PRKN: variants seen among roughly 807,000 people sequenced by gnomAD.
PRKN encodes E3 ubiquitin-protein ligase parkin.
In PRKN, 56 loss-of-function variants were observed where a neutral mutation model predicts 59.5. The ratio of observed to expected loss-of-function variants is 0.94; its 90% CI spans 0.76 to 1.18. The LOEUF (loss-of-function observed/expected upper bound fraction) is 1.18, where lower values mean the gene tolerates loss of function less well. Ranked by LOEUF, PRKN falls within the 50% of genes most tolerant of loss-of-function variation. PRKN has a pLI of 0.00. For synonymous variants in PRKN, 250 were observed against 222.1 expected (o/e 1.13, Z -1.12); for missense variants, 657 against 596.4 (o/e 1.10, Z -1.06).
intron 5 of PRKN, among the ~76,000 whole-genome samples, chr6:162,015,026 ATGAAATTTAAAACATATTATCT>A (rs1337212441): frequency 5.3e-5 from 8 of 152,184 alleles, no homozygotes; most frequent in Admixed American, 5.2e-4. Flanking sequence ...TGTAGAAAAC[ATGAAATTTAAAACATATTATCT>A]TGAGTAAACT....
At chr6:162,136,572 C>A (rs1781570287) in intron 4 of PRKN, among the ~76,000 whole-genome samples, 1 of 152,158 alleles carries the variant, frequency 6.6e-6, no homozygotes, top group African/African-American at 2.4e-5. Context: ...ATTTCCTAGG[C>A]ATAAGTTGCC....
At position 161,902,552 on chromosome 6, in the gene PRKN, A is replaced by ATCTATTTTTTTTT. The variant is rs1343265664; in HGVS notation, c.734+70749_734+70750insAAAAAAAAATAGA. Among the ~76,000 whole-genome samples, 6 of 121,086 alleles carry ATCTATTTTTTTTT rather than the reference A, an allele frequency of 5.0e-5. 1 individual carries two copies. The highest frequency in any genetic ancestry group is 2.5e-4 in the East Asian group (1 of 3,938). 79.4% of individuals were successfully genotyped at this position (121,086 alleles called of 152,430 possible). A position where few individuals can be genotyped will look rare whatever the true frequency, so the allele number is the denominator to read the frequency against. Reference sequence around the variant, plus strand: ...TATCTATCTATCTATCTATCTATTTATTTATTTATTTATTTTTTTTTTTTT... The same window carrying ATCTATTTTTTTTT: ...TATCTATCTATCTATCTATCTATTTATCTATTTTTTTTTTTTATTTATTTATTTTTTTTTTTTT... On this transcript the variant is annotated intron_variant, in intron 6 of 11. Transcript: ENST00000366898.
intron 1 of PRKN, among the ~76,000 whole-genome samples, chr6:162,491,080 G>A (rs1285375916): frequency 6.6e-6 from 1 of 150,440 alleles, no homozygotes; most frequent in Non-Finnish European, 1.5e-5. Context: ...TCCAGCCTGG[G>A]TGACAAGAGT....
intron 3 of PRKN, among the ~76,000 whole-genome samples, chr6:162,234,080 T>A (rs547454265): frequency 1.2e-4 from 18 of 152,246 alleles, no homozygotes; most frequent in African/African-American, 4.1e-4. Context: ...AAGAAAAAGA[T>A]GCAGCTCAGA....
rs980329748 is a variant in PRKN at position 162,620,355 on chromosome 6, AT to A, written c.7+107306del. Among the ~76,000 whole-genome samples the A allele has an allele frequency of 4.8e-3, 729 of 151,896 alleles. 5 individuals carry two copies. Among genetic ancestry groups the A allele is most frequent in the African/African-American group, 0.017 (695 of 41,446 alleles). On this transcript the variant is annotated intron_variant, in intron 1 of 11. Transcript: ENST00000366898. ...CCTTCTGGTTATTGTTAATTACATTATTTTTTTTCTAACATCAAGAGAATAA... is the reference window on the plus strand; with the variant it reads ...CCTTCTGGTTATTGTTAATTACATTATTTTTTTCTAACATCAAGAGAATAA...
At chr6:162,467,975 G>A (rs563520038) in intron 1 of PRKN, among the ~76,000 whole-genome samples, 21 of 152,248 alleles carry the variant, frequency 1.4e-4, no homozygotes, top group South Asian at 6.2e-4. Flanking sequence ...TATCTCAAAT[G>A]CCAGCTGCAC....
rs1043383672 is a variant in PRKN, at chr6:161,530,360, A to G, written c.1083+18494T>C. On this transcript the variant is annotated intron_variant, in intron 9 of 11. Transcript: ENST00000366898. The surrounding 1 kb of genome is among the most constrained non-coding windows in gnomAD (Gnocchi z 5.0). ...AATGCACCTTCTCCTGTGACATTGC[A>G]TATCATCTTCCATATCAGGTACCCT... 6.6e-6 allele frequency among the ~76,000 whole-genome samples: 1 copy of G among 152,166 alleles called. No individual in the cohort carries two copies. The highest frequency in any genetic ancestry group is 2.4e-5 in the African/African-American group (1 of 41,442).
In PRKN at chr6:161,386,732, C is replaced by T. The variant is rs562644112; in HGVS notation, c.1167+62G>A. 99 of 1,271,766 alleles carry T rather than the reference C, an allele frequency of 7.8e-5. No individual in the cohort carries two copies. Among genetic ancestry groups the T allele is most frequent in the Admixed American group, 5.2e-4 (31 of 59,606 alleles). The allele number at this position is 1,271,766 out of a possible 1,614,324, so 78.8% of individuals were successfully genotyped here. ...GGAACTCTCCATGACCTCCAGGAAA[C>T]GGCTCCAGTCCCCCACTGTATCCGG... On this transcript the variant is annotated intron_variant, in intron 10 of 11. Coordinates refer to ENST00000366898, the MANE Select transcript of PRKN (RefSeq NM_004562.3). The surrounding 1 kb of genome is among the most constrained non-coding windows in gnomAD (Gnocchi z 4.3).
intron 1 of PRKN, among the ~76,000 whole-genome samples, chr6:162,469,058 T>C (rs952783114): frequency 6.6e-6 from 1 of 152,084 alleles, no homozygotes; most frequent in Non-Finnish European, 1.5e-5. Context: ...ATGTATCCAC[T>C]CATAAACATT....
At chr6:161,874,156 TTATA>T (rs1239184289) in intron 6 of PRKN, among the ~76,000 whole-genome samples, 1 of 18,628 alleles carries the variant, frequency 5.4e-5, no homozygotes, top group East Asian at 1.5e-3. Flanking sequence ...ATAATATATA[TTATA>T]TATAATATAT....
intron 6 of PRKN, among the ~76,000 whole-genome samples, chr6:161,935,062 T>C (rs929245967): frequency 3.9e-5 from 6 of 152,164 alleles, no homozygotes; most frequent in Admixed American, 2.0e-4. Flanking sequence ...CTTATTACTA[T>C]AAACATTTCA....
At chr6:162,430,158 T>TGACGACGACGACGATGAC (rs1789441477) in intron 2 of PRKN, among the ~76,000 whole-genome samples, 2 of 144,068 alleles carry the variant, frequency 1.4e-5, no homozygotes, top group South Asian at 4.4e-4. Context: ...ATGATGACGA[T>TGACGACGACGACGATGAC]GACGACGACG....
rs993812101 is a variant in PRKN, at chr6:161,593,031, A to C, written c.872-23615T>G. Among the ~76,000 whole-genome samples, 1 of 152,192 alleles carries C rather than the reference A, an allele frequency of 6.6e-6. No individual in the cohort carries two copies. Among genetic ancestry groups the C allele is most frequent in the Admixed American group, 6.5e-5 (1 of 15,284 alleles). ...ATGTGAGATTTACAGAAGAGTTGTA[A>C]CGACTGCACAGAGCGTCCTCAGATG... is the stretch of plus-strand genomic sequence containing the variant. On this transcript the variant is annotated intron_variant, in intron 7 of 11. Transcript: ENST00000366898. This position sits in a 1 kb window ranked among gnomAD's most constrained non-coding sequence, Gnocchi z 4.8.
chr6:161,805,639 G>C (rs950024818), intron 6 of PRKN, among the ~76,000 whole-genome samples: 8 of 152,110 alleles, frequency 5.3e-5, no homozygotes, highest in Non-Finnish European at 8.8e-5. Context: ...GCTCCTCTGT[G>C]TGCATTGGTT....
chr6:161,703,109 G>C (rs1289259990), intron 7 of PRKN, among the ~76,000 whole-genome samples: 1 of 150,768 alleles, frequency 6.6e-6, no homozygotes. Context: ...TTTGAGACCA[G>C]CCTTGGCAAA....
At chr6:161,606,386 A>T (rs1782284248) in intron 7 of PRKN, among the ~76,000 whole-genome samples, 1 of 152,186 alleles carries the variant, frequency 6.6e-6, no homozygotes, top group Admixed American at 6.5e-5. Flanking sequence ...GGATGACTTC[A>T]GGGTTTCCAA....
chr6:161,645,185 T>C (rs1191747404), intron 7 of PRKN, among the ~76,000 whole-genome samples: 5 of 152,068 alleles, frequency 3.3e-5, no homozygotes, highest in African/African-American at 1.2e-4. Flanking sequence ...AATATATGAC[T>C]GATGATGTTT....
At chr6:162,402,986 C>T (rs1787874338) in intron 2 of PRKN, among the ~76,000 whole-genome samples, 1 of 151,992 alleles carries the variant, frequency 6.6e-6, no homozygotes, top group East Asian at 1.9e-4. Flanking sequence ...GATATCTGGC[C>T]AGTGTTGGGA....
At chr6:162,676,407 C>T (rs1336943250) in intron 1 of PRKN, among the ~76,000 whole-genome samples, 1 of 151,964 alleles carries the variant, frequency 6.6e-6, no homozygotes, top group Non-Finnish European at 1.5e-5. Context: ...AGAGATTGGG[C>T]TTGCCAAATT....
Sources: allele counts gnomAD v4.1 joint callset (sites outside exome capture counted in the v4.1 genomes callset), GRCh38; gene constraint gnomAD v4.1.1; non-coding constraint Gnocchi (gnomAD v3.1); transcripts MANE v1.5; gene names NCBI Gene and HGNC (gene_info 2026-07-23, HGNC 2026-07-21).